ZNF880: variants seen among roughly 807,000 people sequenced by gnomAD.
The protein encoded by ZNF880 is zinc finger protein 880.
ZNF880 carries 12 observed loss-of-function variants against 11.8 expected under a neutral mutation model. The observed-to-expected ratio is 1.02, with a 90% CI of 0.65 to 1.65. ZNF880 has a LOEUF of 1.65. Among genes scored for constraint, ZNF880 ranks in the 40% most tolerant of loss-of-function variants. The pLI is 0.00. For synonymous variants in ZNF880, 210 were observed against 232.4 expected, an observed-to-expected ratio of 0.90 and a Z score of 0.88; for missense variants, 601 against 673.9, an observed-to-expected ratio of 0.89 and a Z score of 1.20.
rs147836446 is a variant in ZNF880, at chr19:52,377,828, C to T, written c.268+3401C>T. On this transcript the variant is annotated intron_variant, in intron 3 of 3. Transcript: ENST00000422689. ...TCAGCATTTGGAAGATCTCGTGACC[C>T]CATAGTTCAGGGATTATTTTTTATT... Among the ~76,000 whole-genome samples, 880 of 152,220 alleles carry T rather than the reference C, an allele frequency of 5.8e-3. 12 individuals carry two copies. Among genetic ancestry groups the T allele is most frequent in the African/African-American group, 0.019 (807 of 41,540 alleles).
chr19:52,383,702 G>T, intron 3 of ZNF880, 147 bp from the exon 4 acceptor site: 1 of 888,806 alleles, frequency 1.1e-6, no homozygotes. Context: ...CGTCCCTTTT[G>T]TTTTCTGCAC....
chr19:52,392,216 A>C, the ZNF880 span, among the ~76,000 whole-genome samples: 1 of 152,182 alleles, frequency 6.6e-6, no homozygotes, highest in Non-Finnish European at 1.5e-5. Context: ...CATTCCTAAT[A>C]AATTAATGGA....
the ZNF880 span, among the ~76,000 whole-genome samples, chr19:52,392,350 G>C: frequency 6.6e-6 from 1 of 152,030 alleles, no homozygotes; most frequent in African/African-American, 2.4e-5. Context: ...ACCCAGGCTA[G>C]AGTGCAGTGG....
chr19:52,371,416 C>T (rs977285121), intron 1 of ZNF880, among the ~76,000 whole-genome samples: 3 of 151,760 alleles, frequency 2.0e-5, no homozygotes, highest in Admixed American at 6.6e-5. Context: ...CGCTTTGTCA[C>T]CCAGGCTGGA....
the ZNF880 span, among the ~76,000 whole-genome samples, chr19:52,392,502 C>T: frequency 2.0e-5 from 3 of 152,176 alleles, no homozygotes; most frequent in Admixed American, 6.5e-5. Flanking sequence ...CATATTGCCA[C>T]GTTGGCCAGG....
the ZNF880 span, among the ~76,000 whole-genome samples, chr19:52,394,045 T>G: frequency 6.6e-6 from 1 of 151,894 alleles, no homozygotes; most frequent in African/African-American, 2.4e-5. Flanking sequence ...TTCACCGTGT[T>G]AGCCAGGATA....
Position 52,385,476 on chromosome 19 carries a change from TG to T in ZNF880, c.*163del. ...CCATACTAAAGAGAAATCATAGCAA[TG>T]TATGTGAATCAGGTCTCTTGAGGCC... On this transcript the variant is annotated 3_prime_UTR_variant, in exon 4 of 4. Coordinates refer to ENST00000422689, the MANE Select transcript of ZNF880 (RefSeq NM_001145434.2). 1 of 853,806 alleles carries T rather than the reference TG, an allele frequency of 1.2e-6. No individual in the cohort carries two copies. Among genetic ancestry groups the T allele is most frequent in the Non-Finnish European group, 1.8e-6 (1 of 568,260 alleles). The allele number at this position is 853,806 out of a possible 1,614,324, so 52.9% of individuals were successfully genotyped here. A position where few individuals can be genotyped will look rare whatever the true frequency, so the allele number is the denominator to read the frequency against.
At chr19:52,379,422 G>C in intron 3 of ZNF880, 1 of 423,126 alleles carries the variant, frequency 2.4e-6, no homozygotes, top group South Asian at 1.7e-5. Flanking sequence ...TTTTGATAGA[G>C]TCTCGCTCTG....
At chr19:52,370,032 T>C in intron 1 of ZNF880, 55 bp downstream of exon 1, 1 of 1,550,584 alleles carries the variant, frequency 6.4e-7, no homozygotes, top group East Asian at 2.4e-5. Flanking sequence ...CTCGCGCTTC[T>C]GTACCCGGCA....
downstream of ZNF880, among the ~76,000 whole-genome samples, chr19:52,386,011 TA>T (rs1986875183): frequency 7.1e-6 from 1 of 141,394 alleles, no homozygotes; most frequent in African/African-American, 2.8e-5. Flanking sequence ...CCATCTCTAC[TA>T]AAAATACAAA....
intron 1 of ZNF880, among the ~76,000 whole-genome samples, chr19:52,372,387 A>C (rs1986403079): frequency 6.9e-6 from 1 of 144,330 alleles, no homozygotes; most frequent in South Asian, 2.3e-4. Flanking sequence ...TCCCAGGTTC[A>C]CGCCATTCTC....
At chr19:52,388,281 A>AATTTTTTTTTTT (rs1298446341), downstream of ZNF880, among the ~76,000 whole-genome samples, 1 of 38,892 alleles carries the variant, frequency 2.6e-5, no homozygotes, top group African/African-American at 1.8e-4. Flanking sequence ...GGCAATTTGA[A>AATTTTTTTTTTT]CTTTTTTTTT....
chr19:52,371,053 A>T (rs1986354858), intron 1 of ZNF880, among the ~76,000 whole-genome samples: 1 of 152,180 alleles, frequency 6.6e-6, no homozygotes. Context: ...TGTACATGTG[A>T]TGTGTGTGGA....
At chr19:52,393,785 A>C in the ZNF880 span, among the ~76,000 whole-genome samples, 4 of 151,630 alleles carry the variant, frequency 2.6e-5, no homozygotes, top group South Asian at 8.3e-4. Flanking sequence ...TAGTTGTAAC[A>C]TAACAGTTCT....
In ZNF880 at chr19:52,385,609, AT is replaced by A; in HGVS notation, c.*298del. ...GACCATTACTATGGAACATGATAAG[AT>A]TTACACAAGCGATAATTCAGTCTCT... On this transcript the variant is annotated 3_prime_UTR_variant, in exon 4 of 4. Transcript: ENST00000422689. 1 of 261,610 alleles carries A rather than the reference AT, an allele frequency of 3.8e-6. No homozygotes were observed. The highest frequency in any genetic ancestry group is 6.8e-6 in the Non-Finnish European group (1 of 147,312). The allele number at this position is 261,610 out of a possible 1,614,324, so 16.2% of individuals were successfully genotyped here. A position where few individuals can be genotyped will look rare whatever the true frequency, so the allele number is the denominator to read the frequency against.
chr19:52,385,400 G>C lies in ZNF880; in HGVS notation c.*86G>C, dbSNP rs553727809. On this transcript the variant is annotated 3_prime_UTR_variant, in exon 4 of 4. Coordinates refer to ENST00000422689, the MANE Select transcript of ZNF880 (RefSeq NM_001145434.2). ...TCATGAGAGAGTTCTTACAAACTGA[G>C]TATGGCAAACTCTTCATGCTAAGTT... 17 of 1,413,500 alleles carry C rather than the reference G, an allele frequency of 1.2e-5. No homozygotes were observed. In the African/African-American group the frequency reaches 2.3e-4, roughly 19 times the overall value. The allele number at this position is 1,413,500 out of a possible 1,614,324, so 87.6% of individuals were successfully genotyped here.
chr19:52,372,120 C>T (rs1043307178), intron 1 of ZNF880, among the ~76,000 whole-genome samples: 3 of 151,430 alleles, frequency 2.0e-5, no homozygotes, highest in East Asian at 2.0e-4. Flanking sequence ...ACCTGGGAGG[C>T]GGATGTTGCA....
downstream of ZNF880, chr19:52,390,245 C>A: frequency 3.6e-6 from 1 of 277,458 alleles, no homozygotes; most frequent in Middle Eastern, 4.5e-4. Flanking sequence ...TTTTAAAGTC[C>A]TCACCGCAAG....
chr19:52,391,773 C>T, the ZNF880 span, among the ~76,000 whole-genome samples: 7 of 152,152 alleles, frequency 4.6e-5, no homozygotes, highest in South Asian at 2.1e-4. Flanking sequence ...TTCTGCCAGA[C>T]GGCAGGCAGT....
Sources: gnomAD v4.1 joint callset for allele counts (sites outside exome capture counted in the v4.1 genomes callset) on GRCh38, gnomAD v4.1.1 for gene constraint, MANE v1.5 for transcripts, NCBI Gene and HGNC (gene_info 2026-07-23, HGNC 2026-07-21) for gene names.